The following DTNBP1 variants were observed in gnomAD, a reference collection of about 807,000 sequenced individuals.
DTNBP1 encodes dystrobrevin binding protein 1.
DTNBP1 carries 35 observed loss-of-function variants against 42.8 expected under a neutral mutation model. That is an observed-to-expected ratio of 0.82 (90% CI 0.63 to 1.09). The LOEUF is 1.09. Ranked by LOEUF, DTNBP1 falls within the 50% of genes least tolerant of loss-of-function variation. DTNBP1 has a pLI of 0.00. For missense variants in DTNBP1, 457 were observed against 424.2 expected (o/e 1.08, Z -0.68); for synonymous variants, 171 against 162.2 (o/e 1.05, Z -0.41).
intron 7 of DTNBP1, among the ~76,000 whole-genome samples, chr6:15,539,214 A>C (rs1773417125): frequency 6.6e-6 from 1 of 152,274 alleles, no homozygotes; most frequent in South Asian, 2.1e-4. Context: ...AAATATTCCT[A>C]ATTAGCATGT....
At chr6:15,662,705 G>A (rs1253637789) in intron 1 of DTNBP1, 109 bp downstream of exon 1, 12 of 1,469,410 alleles carry the variant, frequency 8.2e-6, no homozygotes, top group Admixed American at 6.9e-5. Flanking sequence ...GGGAGGTGCG[G>A]GACAGGACGG....
intron 3 of DTNBP1, among the ~76,000 whole-genome samples, chr6:15,638,285 G>A (rs374749333): frequency 1.3e-5 from 2 of 152,026 alleles, no homozygotes; most frequent in East Asian, 1.9e-4. Flanking sequence ...GTGCCACCAC[G>A]CCCTGCTAAT....
At chr6:15,624,407 A>G (rs924763273) in intron 5 of DTNBP1, among the ~76,000 whole-genome samples, 8 of 152,238 alleles carry the variant, frequency 5.3e-5, no homozygotes, top group African/African-American at 1.7e-4. Flanking sequence ...ACTGAAGCCA[A>G]TATGAATGGA....
chr6:15,575,573 A>T (rs1244883858), intron 7 of DTNBP1, among the ~76,000 whole-genome samples: 2 of 152,220 alleles, frequency 1.3e-5, no homozygotes, highest in East Asian at 3.8e-4. Flanking sequence ...GGAAAAGAAG[A>T]AGTAGCTACC....
chr6:15,538,487 A>T (rs1400296190), intron 7 of DTNBP1, among the ~76,000 whole-genome samples: 1 of 152,210 alleles, frequency 6.6e-6, no homozygotes, highest in African/African-American at 2.4e-5. Context: ...TCTCAGCCTC[A>T]TGGAATACTG....
At chr6:15,610,292 G>T (rs1758319474) in intron 6 of DTNBP1, among the ~76,000 whole-genome samples, 1 of 152,152 alleles carries the variant, frequency 6.6e-6, no homozygotes, top group African/African-American at 2.4e-5. Flanking sequence ...ACATATTGTT[G>T]TCATTGTTTT....
At chr6:15,581,474 G>A (rs1775830300) in intron 7 of DTNBP1, among the ~76,000 whole-genome samples, 2 of 121,036 alleles carry the variant, frequency 1.7e-5, no homozygotes, top group East Asian at 3.0e-4. Context: ...CACCGCGCCC[G>A]ACTGTTTTTT....
At chr6:15,585,926 T>C in intron 7 of DTNBP1, 1 of 1,384,938 alleles carries the variant, frequency 7.2e-7, no homozygotes, top group Non-Finnish European at 9.3e-7. Flanking sequence ...AGCCTATTAG[T>C]TTTTTGCTGA....
chr6:15,545,602 T>TC (rs1449393376), intron 7 of DTNBP1, among the ~76,000 whole-genome samples: 2 of 152,134 alleles, frequency 1.3e-5, no homozygotes, highest in African/African-American at 4.8e-5. Flanking sequence ...GGCAGTTTTT[T>TC]TGCAGATAGT....
At chr6:15,656,275 A>G (rs946823358) in intron 1 of DTNBP1, among the ~76,000 whole-genome samples, 3 of 152,238 alleles carry the variant, frequency 2.0e-5, no homozygotes, top group Non-Finnish European at 2.9e-5. Flanking sequence ...CCATGAACAC[A>G]TAAGTGCTGT....
chr6:15,577,057 C>A (rs768805947), intron 7 of DTNBP1, among the ~76,000 whole-genome samples: 2 of 152,166 alleles, frequency 1.3e-5, no homozygotes, highest in Middle Eastern at 3.2e-3. Flanking sequence ...GAATGATATA[C>A]AAAGTAAAAT....
intron 5 of DTNBP1, among the ~76,000 whole-genome samples, chr6:15,624,973 T>C (rs908165268): frequency 6.6e-6 from 1 of 152,186 alleles, no homozygotes; most frequent in African/African-American, 2.4e-5. Context: ...CTTCAAAGTG[T>C]TTGTTTTCCT....
intron 6 of DTNBP1, among the ~76,000 whole-genome samples, chr6:15,611,504 T>A: frequency 6.6e-6 from 1 of 152,200 alleles, no homozygotes; most frequent in East Asian, 1.9e-4. Context: ...GTCTTATTAT[T>A]TAAGAAATAC....
At chr6:15,608,708 A>G (rs1758214068) in intron 6 of DTNBP1, among the ~76,000 whole-genome samples, 1 of 152,156 alleles carries the variant, frequency 6.6e-6, no homozygotes. Context: ...AAATGACTTT[A>G]TTTCCTCATG....
chr6:15,612,997 C>T (rs1157223860), intron 6 of DTNBP1, among the ~76,000 whole-genome samples: 2 of 152,094 alleles, frequency 1.3e-5, no homozygotes, highest in South Asian at 2.1e-4. Flanking sequence ...TCACAAGGCT[C>T]ACCCACTCAT....
intron 7 of DTNBP1, among the ~76,000 whole-genome samples, chr6:15,554,769 T>G (rs1369033103): frequency 6.6e-6 from 1 of 152,192 alleles, no homozygotes; most frequent in Non-Finnish European, 1.5e-5. Context: ...ATGGTGGCAT[T>G]AGCAAGATCC....
chr6:15,564,071 A>G lies in DTNBP1; in HGVS notation c.511+28988T>C, dbSNP rs569290788. Among the ~76,000 whole-genome samples, 299 of 151,616 alleles carry G rather than the reference A, an allele frequency of 2.0e-3. 1 individual carries two copies. Among genetic ancestry groups the G allele is most frequent in the Non-Finnish European group, 2.7e-3 (180 of 67,850 alleles). ...CCTGGGCAACTTGGTCTCGGAAAAA[A>G]AAAAAAAAAAAAGAACTCTAGCCCC... On this transcript the variant is annotated intron_variant, in intron 7 of 9. Transcript: ENST00000344537.
intron 7 of DTNBP1, among the ~76,000 whole-genome samples, chr6:15,569,353 A>ACC (rs11332178): frequency 7.9e-6 from 1 of 127,172 alleles, no homozygotes; most frequent in African/African-American, 3.0e-5. Flanking sequence ...GCCAGTTAAG[A>ACC]CCCCCCCCCG....
At chr6:15,607,257 G>A (rs1045684196) in intron 6 of DTNBP1, among the ~76,000 whole-genome samples, 13 of 150,018 alleles carry the variant, frequency 8.7e-5, no homozygotes, top group Non-Finnish European at 1.6e-4. Flanking sequence ...GTGATCTGCC[G>A]CTTTCGGCTG....
Sources: gnomAD v4.1 joint callset for allele counts (sites outside exome capture counted in the v4.1 genomes callset) on GRCh38, gnomAD v4.1.1 for gene constraint, MANE v1.5 for transcripts, NCBI Gene and HGNC (gene_info 2026-07-23, HGNC 2026-07-21) for gene names.